UNC79: variants seen among roughly 807,000 people sequenced by gnomAD.
UNC79 encodes the protein unc-79 subunit of NALCN channel complex, also known as protein unc-79 homolog.
In UNC79, 37 loss-of-function variants were observed where a neutral mutation model predicts 283.1. That is an observed-to-expected ratio of 0.13 (90% CI 0.10 to 0.17). UNC79 has a LOEUF of 0.17. Ranked by LOEUF, UNC79 falls within the 10% of genes least tolerant of loss-of-function variation. The probability of loss-of-function intolerance (pLI) is 1.00; values close to 1 mark genes in which losing one functional copy is unlikely to be tolerated. For synonymous variants in UNC79, 1,107 were observed against 1,200.2 expected (o/e 0.92, Z 1.61); for missense variants, 2,272 against 3,211.1 (o/e 0.71, Z 7.07).
intron 19 of UNC79, among the ~76,000 whole-genome samples, chr14:93,581,722 G>A (rs141542687): frequency 0.015 from 2,214 of 151,778 alleles, 55 homozygotes; most frequent in African/African-American, 0.051. Context: ...TCGAATTCCC[G>A]ACCTCGTGAT....
chr14:93,378,811 T>G (rs1358073100), intron 1 of UNC79, among the ~76,000 whole-genome samples: 1 of 152,228 alleles, frequency 6.6e-6, no homozygotes, highest in Non-Finnish European at 1.5e-5. Context: ...ATGCTACTTA[T>G]GAAATCAAAG....
At chr14:93,612,807 T>G (rs1394933158) in exon 27 of UNC79, 4 of 1,612,826 alleles carry the variant, frequency 2.5e-6, no homozygotes, top group Non-Finnish European at 3.4e-6. Context: ...GACAACAATC[T>G]CCTGAGAATG....
At chr14:93,458,752 C>G (rs1050544732) in intron 1 of UNC79, among the ~76,000 whole-genome samples, 1 of 152,042 alleles carries the variant, frequency 6.6e-6, no homozygotes, top group Non-Finnish European at 1.5e-5. Flanking sequence ...TTTCAACCAC[C>G]GTGCTACTGT....
At chr14:93,437,372 C>T (rs2056124684) in intron 1 of UNC79, 1 of 152,088 alleles carries the variant, frequency 6.6e-6, no homozygotes, top group South Asian at 2.1e-4. Flanking sequence ...TCCTCAAGTA[C>T]CTTAATTCCT....
intron 1 of UNC79, among the ~76,000 whole-genome samples, chr14:93,343,499 A>T (rs947562278): frequency 2.0e-4 from 30 of 152,312 alleles, no homozygotes; most frequent in Non-Finnish European, 4.0e-4. Context: ...ACAGATGCAA[A>T]TACAAAGAGA....
intron 1 of UNC79, among the ~76,000 whole-genome samples, chr14:93,416,869 G>A (rs1407954944): frequency 1.3e-5 from 2 of 152,004 alleles, no homozygotes; most frequent in African/African-American, 4.8e-5. Context: ...TTTTCCATTG[G>A]CTTGGTAGAT....
chr14:93,590,517 G>A (rs60035811), intron 22 of UNC79, among the ~76,000 whole-genome samples: 2,215 of 152,282 alleles, frequency 0.015, 54 homozygotes, highest in African/African-American at 0.051. Flanking sequence ...GGGAATACGA[G>A]ATGGGCATTA....
intron 1 of UNC79, among the ~76,000 whole-genome samples, chr14:93,434,144 C>G (rs1372987821): frequency 6.6e-6 from 1 of 150,844 alleles, no homozygotes; most frequent in African/African-American, 2.4e-5. Flanking sequence ...ACCTGGGAGG[C>G]GGAGATTGCT....
At chr14:93,489,922 C>T (rs1239176836) in intron 5 of UNC79, among the ~76,000 whole-genome samples, 1 of 152,222 alleles carries the variant, frequency 6.6e-6, no homozygotes, top group African/African-American at 2.4e-5. Flanking sequence ...GGGTGGAGTT[C>T]CAGCTCTCCT....
At chr14:93,340,350 G>A (rs2053677581) in intron 1 of UNC79, among the ~76,000 whole-genome samples, 1 of 150,994 alleles carries the variant, frequency 6.6e-6, no homozygotes, top group Admixed American at 6.6e-5. Context: ...GCTGAGGCAG[G>A]AGAATGGCAT....
chr14:93,651,860 C>T (rs1468800092), intron 35 of UNC79, among the ~76,000 whole-genome samples: 1 of 150,392 alleles, frequency 6.6e-6, no homozygotes, highest in African/African-American at 2.4e-5. Flanking sequence ...CTGCCTCAGG[C>T]TCCCAAGTAG....
intron 1 of UNC79, among the ~76,000 whole-genome samples, chr14:93,455,129 C>A (rs943546471): frequency 1.3e-5 from 2 of 152,236 alleles, no homozygotes; most frequent in Non-Finnish European, 2.9e-5. Context: ...AAGAGCTTAA[C>A]AATGCCATTT....
chr14:93,530,853 G>A (rs981738582), intron 10 of UNC79, among the ~76,000 whole-genome samples: 4 of 152,134 alleles, frequency 2.6e-5, no homozygotes, highest in Non-Finnish European at 5.9e-5. Context: ...AGCTGGCAGT[G>A]AGCCGAGATC....
intron 26 of UNC79, among the ~76,000 whole-genome samples, chr14:93,607,881 A>G (rs75787063): frequency 0.073 from 11,079 of 152,240 alleles, 1,358 homozygotes; most frequent in African/African-American, 0.25. Context: ...TTCTTTCTAC[A>G]GATGGTTTAT....
At chr14:93,403,471 T>C (rs1169200375) in intron 1 of UNC79, among the ~76,000 whole-genome samples, 1 of 152,252 alleles carries the variant, frequency 6.6e-6, no homozygotes, top group African/African-American at 2.4e-5. Flanking sequence ...CTGATGCAGT[T>C]CCCTGCTTAA....
exon 20 of UNC79, chr14:93,582,270 G>T: frequency 6.2e-7 from 1 of 1,614,186 alleles, no homozygotes; most frequent in South Asian, 1.1e-5. Flanking sequence ...GGCCCTGAAG[G>T]GGAGGAGGAG....
rs1175364857 is a variant in UNC79 at position 93,419,135 on chromosome 14, G to A, written c.-350-48536G>A. On this transcript the variant is annotated intron_variant, in intron 1 of 49. Transcript: ENST00000256339. ...TGTGTCACGCTGGGAGCTGTAGACC[G>A]GAGCTGTTCCTATTTGGCCATCTTG... Among the ~76,000 whole-genome samples, 7 of 151,286 alleles carry A rather than the reference G, an allele frequency of 4.6e-5. No individual in the cohort carries two copies. In the East Asian group the frequency reaches 7.8e-4, roughly 17 times the overall value.
chr14:93,472,863 A>G (rs1478367790), intron 2 of UNC79, among the ~76,000 whole-genome samples: 1 of 152,154 alleles, frequency 6.6e-6, no homozygotes, highest in Non-Finnish European at 1.5e-5. Context: ...TTGGACTAAC[A>G]TAAGTGTACT....
intron 19 of UNC79, among the ~76,000 whole-genome samples, chr14:93,580,628 T>TC (rs1305582146): frequency 3.3e-5 from 5 of 152,216 alleles, no homozygotes; most frequent in Non-Finnish European, 2.9e-5. Flanking sequence ...TTCATATGGT[T>TC]CCATGCATTA....
Sources: allele counts gnomAD v4.1 joint callset (sites outside exome capture counted in the v4.1 genomes callset), GRCh38; gene constraint gnomAD v4.1.1; transcripts MANE v1.5; gene names NCBI Gene and HGNC (gene_info 2026-07-23, HGNC 2026-07-21).